The following EGFR variants were observed in gnomAD, a reference collection of about 807,000 sequenced individuals.
The protein encoded by EGFR is epidermal growth factor receptor.
EGFR carries 58 observed loss-of-function variants against 143.0 expected under a neutral mutation model. The observed-to-expected ratio is 0.41, with a 90% CI of 0.33 to 0.50. EGFR has a LOEUF of 0.50. EGFR is among the 20% of genes least tolerant of loss of function. The pLI is 0.39. For missense variants in EGFR, 1,307 were observed against 1,579.0 expected, an observed-to-expected ratio of 0.83 and a Z score of 2.92; for synonymous variants, 613 against 594.4, an observed-to-expected ratio of 1.03 and a Z score of -0.45.
chr7:55,145,886 C>T (rs17289658), intron 3 of EGFR, among the ~76,000 whole-genome samples: 4 of 152,168 alleles, frequency 2.6e-5, no homozygotes, highest in Admixed American at 6.5e-5. Flanking sequence ...CATTCATCCT[C>T]GCAGCGCCCA....
At chr7:55,131,631 G>C (rs1793841227) in intron 1 of EGFR, among the ~76,000 whole-genome samples, 1 of 152,118 alleles carries the variant, frequency 6.6e-6, no homozygotes, top group African/African-American at 2.4e-5. Flanking sequence ...TTCTCCCCAA[G>C]CTACCCCAAA....
chr7:55,208,796 C>T lies in EGFR; in HGVS notation c.*3179C>T, dbSNP rs1381935815. 6.6e-6 allele frequency: 1 copy of T among 152,164 alleles called. No individual in the cohort carries two copies. The highest frequency in any genetic ancestry group is 6.5e-5 in the Admixed American group (1 of 15,284). 9.4% of individuals were successfully genotyped at this position (152,164 alleles called of 1,614,324 possible). A position where few individuals can be genotyped will look rare whatever the true frequency, so the allele number is the denominator to read the frequency against. On this transcript the variant is annotated 3_prime_UTR_variant, in exon 28 of 28. Transcript: ENST00000275493. ...CATAAGGGGACTATGGATTGCTTAG[C>T]AGGAAAGGCACTGGTTCTCAAGGGC...
rs753466844 is a variant in EGFR, at chr7:55,156,587, C to T, written c.1061C>T (p.Thr354Met). 1 of 1,614,208 alleles carries T rather than the reference C, an allele frequency of 6.2e-7. No homozygotes were observed. The highest frequency in any genetic ancestry group is 8.5e-7 in the Non-Finnish European group (1 of 1,180,050). ...EFKDSLSINA[T>M]NIKHFKNCTS... ...AAAGACTCACTCTCCATAAATGCTA[C>T]GAATATTAAACACTTCAAAAACTGC... Residue 354 changes from threonine (T) to methionine (M), a missense_variant, in exon 9 of 28, where the codon ACG becomes ATG. Around this residue, in one of 7 missense-constraint regions of EGFR, gnomAD observed 15 missense variants for 46.5 expected, o/e 0.32. Coordinates refer to ENST00000275493, the MANE Select transcript of EGFR (RefSeq NM_005228.5).
Position 55,025,429 on chromosome 7 carries a change from A to G in EGFR, c.88+6064A>G, listed in dbSNP as rs77986660. Among the ~76,000 whole-genome samples the G allele has an allele frequency of 1.9e-4, 29 of 152,244 alleles. No individual in the cohort carries two copies. In the East Asian group the frequency reaches 4.4e-3, roughly 23 times the overall value. ...GCTTCTCACTTGGAAGCCTGGATAGATACTGAATGCAATCACAAAGGCTGG... is the reference window on the plus strand; with the variant it reads ...GCTTCTCACTTGGAAGCCTGGATAGGTACTGAATGCAATCACAAAGGCTGG... On this transcript the variant is annotated intron_variant, in intron 1 of 27. Transcript: ENST00000275493.
rs1043061098 is a variant in EGFR, at chr7:55,077,459, T to C, written c.88+58094T>C. 7.9e-5 allele frequency among the ~76,000 whole-genome samples: 12 copies of C among 152,376 alleles called. No individual in the cohort carries two copies. In the East Asian group the frequency reaches 9.7e-4, roughly 12 times the overall value. ...CTGATCTTGATCTTGTCATTTTACA[T>C]TGGAAGTAAAAATGTGTCCTCCTTT... On this transcript the variant is annotated intron_variant, in intron 1 of 27. Coordinates refer to ENST00000275493, the MANE Select transcript of EGFR (RefSeq NM_005228.5).
chr7:55,171,174 G>A lies in EGFR; in HGVS notation c.1881-1G>A. The A allele has an allele frequency of 6.2e-7, 1 of 1,614,224 alleles. No homozygotes were observed. Among genetic ancestry groups the A allele is most frequent in the Non-Finnish European group, 8.5e-7 (1 of 1,180,048 alleles). ...GTATATTTCTCTTTCACTTCCTACA[G>A]ATGCACTGGGCCAGGTCTTGAAGGC... On this transcript the variant is annotated splice_acceptor_variant, in intron 15 of 27. Transcript: ENST00000275493. LOFTEE classifies it high-confidence loss of function.
At chr7:55,136,452 T>G (rs1284914607) in intron 1 of EGFR, among the ~76,000 whole-genome samples, 1 of 152,154 alleles carries the variant, frequency 6.6e-6, no homozygotes, top group Non-Finnish European at 1.5e-5. Flanking sequence ...GGACAAGTCA[T>G]CCAAGACTTT....
At chr7:55,061,859 C>A (rs1583941551) in intron 1 of EGFR, among the ~76,000 whole-genome samples, 1 of 152,140 alleles carries the variant, frequency 6.6e-6, no homozygotes, top group Non-Finnish European at 1.5e-5. Flanking sequence ...TGTTTCAGCA[C>A]GGCAAAGGCT....
At chr7:55,083,509 A>G (rs761460893) in intron 1 of EGFR, among the ~76,000 whole-genome samples, 6 of 152,164 alleles carry the variant, frequency 3.9e-5, no homozygotes, top group Non-Finnish European at 7.3e-5. Flanking sequence ...TTATGAGAAA[A>G]CACATGGTTG....
chr7:55,109,995 G>C (rs1024846994), intron 1 of EGFR: 2 of 969,824 alleles, frequency 2.1e-6, no homozygotes, highest in Non-Finnish European at 2.5e-6. Context: ...AAAGAAAAAT[G>C]TGAGAGATAA....
intron 1 of EGFR, among the ~76,000 whole-genome samples, chr7:55,135,604 A>C (rs6947594): frequency 0.91 from 138,054 of 152,168 alleles, 62,764 homozygotes; most frequent in East Asian, 1. Context: ...ATCCCACAAA[A>C]GTTTTGATTA....
chr7:55,194,842 A>G (rs934848052), intron 22 of EGFR, among the ~76,000 whole-genome samples: 2 of 152,254 alleles, frequency 1.3e-5, no homozygotes, highest in Non-Finnish European at 2.9e-5. Context: ...TCACTGGCCT[A>G]GGCAGCCCAC....
intron 1 of EGFR, among the ~76,000 whole-genome samples, chr7:55,046,525 C>T (rs1364242650): frequency 6.6e-6 from 1 of 151,744 alleles, no homozygotes; most frequent in East Asian, 1.9e-4. Flanking sequence ...CGTGGTGCGT[C>T]CTAAGCCAGT....
chr7:55,075,037 G>C (rs1790056257), intron 1 of EGFR, among the ~76,000 whole-genome samples: 1 of 152,108 alleles, frequency 6.6e-6, no homozygotes, highest in Non-Finnish European at 1.5e-5. Context: ...ATCTTCTTAA[G>C]ACTTTTAAAG....
rs564750785 is a variant in EGFR, at chr7:55,155,699, T to C, written c.890-131T>C. The C allele has an allele frequency of 2.4e-4, 187 of 784,044 alleles. 1 individual carries two copies. In the South Asian group the frequency reaches 2.5e-3, roughly 11 times the overall value. The allele number at this position is 784,044 out of a possible 1,614,324, so 48.6% of individuals were successfully genotyped here. A position where few individuals can be genotyped will look rare whatever the true frequency, so the allele number is the denominator to read the frequency against. ...TCTATTTGCAACCTTTCATTCTTTGTCCTTAAAGTAAATAAAGCCAAAGGA... is the reference window on the plus strand; with the variant it reads ...TCTATTTGCAACCTTTCATTCTTTGCCCTTAAAGTAAATAAAGCCAAAGGA... On this transcript the variant is annotated intron_variant, in intron 7 of 27. Transcript: ENST00000275493.
chr7:55,113,693 T>G (rs1450045582), intron 1 of EGFR, among the ~76,000 whole-genome samples: 1 of 152,254 alleles, frequency 6.6e-6, no homozygotes. Context: ...TCTTGCCCTA[T>G]GAGTGCACAG....
chr7:55,128,791 A>G (rs1793677040), intron 1 of EGFR, among the ~76,000 whole-genome samples: 2 of 152,314 alleles, frequency 1.3e-5, no homozygotes, highest in Admixed American at 6.5e-5. Context: ...ATAGGAAACT[A>G]AAACCTAGGG....
intron 4 of EGFR, among the ~76,000 whole-genome samples, chr7:55,150,475 G>A (rs1785096689): frequency 6.6e-6 from 1 of 152,158 alleles, no homozygotes; most frequent in Non-Finnish European, 1.5e-5. Flanking sequence ...TTTTCTGTTT[G>A]AAATCTAAAT....
At position 55,152,673 on chromosome 7, in the gene EGFR, C is replaced by T. The variant is rs770346907; in HGVS notation, c.747+9C>T. The T allele has an allele frequency of 2.5e-6, 4 of 1,611,758 alleles. No homozygotes were observed. Among genetic ancestry groups the T allele is most frequent in the Non-Finnish European group, 3.4e-6 (4 of 1,178,602 alleles). On this transcript the variant is annotated intron_variant, in intron 6 of 27. Transcript: ENST00000275493. ...GGGAGAGCGACTGCCTGGTAAGATGCCCCTCCAGCAGCCTCCCTGGAGCAG... is the reference window on the plus strand; with the variant it reads ...GGGAGAGCGACTGCCTGGTAAGATGTCCCTCCAGCAGCCTCCCTGGAGCAG...
Sources: gnomAD v4.1 joint callset for allele counts (sites outside exome capture counted in the v4.1 genomes callset) on GRCh38, gnomAD v4.1.1 for gene constraint, gnomAD v4.1.1 regional missense constraint, MANE v1.5 for transcripts, NCBI Gene and HGNC (gene_info 2026-07-23, HGNC 2026-07-21) for gene names.